PTPN4: variants seen among roughly 807,000 people sequenced by gnomAD.
The protein encoded by PTPN4 is protein tyrosine phosphatase non-receptor type 4, also known as tyrosine-protein phosphatase non-receptor type 4.
PTPN4 carries 49 observed loss-of-function variants against 135.5 expected under a neutral mutation model. That is an observed-to-expected ratio of 0.36 (90% CI 0.29 to 0.46). The LOEUF (loss-of-function observed/expected upper bound fraction) is 0.46, where lower values mean the gene tolerates loss of function less well. PTPN4 is among the 20% of genes least tolerant of loss of function. The probability of loss-of-function intolerance (pLI) is 1.00; values close to 1 mark genes in which losing one functional copy is unlikely to be tolerated. For missense variants in PTPN4, 860 were observed against 1,101.0 expected, an observed-to-expected ratio of 0.78 and a Z score of 3.10; for synonymous variants, 333 against 369.9, an observed-to-expected ratio of 0.90 and a Z score of 1.14.
chr2:119,769,597 A>G (rs1469772317), intron 1 of PTPN4, among the ~76,000 whole-genome samples: 2 of 152,242 alleles, frequency 1.3e-5, no homozygotes, highest in Admixed American at 1.3e-4. Flanking sequence ...ATGAATATAG[A>G]TGAGACAGCT....
In PTPN4 at chr2:119,863,950, A is replaced by G. The variant is rs188932002; in HGVS notation, c.246+1307A>G. Among the ~76,000 whole-genome samples the G allele has an allele frequency of 3.3e-5, 5 of 152,280 alleles. No homozygotes were observed. The East Asian group carries it at 9.6e-4, about 29-fold the overall frequency. On this transcript the variant is annotated intron_variant, in intron 3 of 26. Transcript: ENST00000263708. Reference sequence around the variant, plus strand: ...CAGCCTTTCCCAGGTTGAACCTAAAATAATCAAAAGGGTCAGAATGTAGTT... The same window carrying G: ...CAGCCTTTCCCAGGTTGAACCTAAAGTAATCAAAAGGGTCAGAATGTAGTT...
At chr2:119,830,758 G>A (rs938396972) in intron 2 of PTPN4, among the ~76,000 whole-genome samples, 2 of 152,062 alleles carry the variant, frequency 1.3e-5, no homozygotes, top group Non-Finnish European at 1.5e-5. Context: ...CACCGTGCCT[G>A]GCTCACCCTC....
chr2:119,851,404 A>T (rs183052719), intron 2 of PTPN4, among the ~76,000 whole-genome samples: 1 of 152,336 alleles, frequency 6.6e-6, no homozygotes, highest in Admixed American at 6.5e-5. Flanking sequence ...CACTTGGAAG[A>T]GACCCAAGTG....
intron 1 of PTPN4, among the ~76,000 whole-genome samples, chr2:119,767,911 G>T (rs960915702): frequency 6.6e-6 from 1 of 152,108 alleles, no homozygotes; most frequent in African/African-American, 2.4e-5. Context: ...TTTTGTAATT[G>T]GGAATTCTTA....
chr2:119,917,461 C>T (rs1003331554), intron 11 of PTPN4, among the ~76,000 whole-genome samples: 4 of 152,060 alleles, frequency 2.6e-5, no homozygotes, highest in East Asian at 1.9e-4. Context: ...AGGCCAGGTG[C>T]GGTGGCTCAC....
chr2:119,968,315 A>G (rs754737680), intron 26 of PTPN4, among the ~76,000 whole-genome samples: 1 of 152,330 alleles, frequency 6.6e-6, no homozygotes, highest in East Asian at 1.9e-4. Context: ...TTTTGCTAAC[A>G]TGCAAGTTGC....
At chr2:119,945,940 A>G (rs1350774426) in intron 16 of PTPN4, among the ~76,000 whole-genome samples, 1 of 152,190 alleles carries the variant, frequency 6.6e-6, no homozygotes, top group Non-Finnish European at 1.5e-5. Context: ...ATCTCAATAA[A>G]GCTGTTTTTT....
chr2:119,808,110 G>A (rs1691513525), intron 1 of PTPN4, among the ~76,000 whole-genome samples: 1 of 152,134 alleles, frequency 6.6e-6, no homozygotes, highest in Non-Finnish European at 1.5e-5. Flanking sequence ...CAAACCCACA[G>A]CCAATATCAT....
At chr2:119,970,385 C>T (rs1679513968) in intron 26 of PTPN4, among the ~76,000 whole-genome samples, 1 of 151,948 alleles carries the variant, frequency 6.6e-6, no homozygotes. Flanking sequence ...CATCTTCATT[C>T]CCTGCCACCA....
intron 2 of PTPN4, among the ~76,000 whole-genome samples, chr2:119,851,511 G>A (rs969114375): frequency 1.3e-5 from 2 of 152,120 alleles, no homozygotes; most frequent in East Asian, 1.9e-4. Context: ...CTTTCCTTAC[G>A]GTGGGCTGTC....
chr2:119,920,301 A>G (rs1043257898), intron 12 of PTPN4, 60 bp downstream of exon 12: 17 of 1,490,740 alleles, frequency 1.1e-5, no homozygotes, highest in Middle Eastern at 1.8e-4. Context: ...TCTTTAAAAT[A>G]AAGATGTAGT....
chr2:119,803,325 T>C (rs1691407727), intron 1 of PTPN4, among the ~76,000 whole-genome samples: 1 of 152,182 alleles, frequency 6.6e-6, no homozygotes, highest in Admixed American at 6.5e-5. Context: ...GCTGTAGATT[T>C]CTGTCAGCAC....
At chr2:119,796,070 G>A (rs1232527495) in intron 1 of PTPN4, among the ~76,000 whole-genome samples, 2 of 152,212 alleles carry the variant, frequency 1.3e-5, no homozygotes, top group Non-Finnish European at 2.9e-5. Context: ...GCCTGGAAAT[G>A]GGTCCTACCC....
chr2:119,814,550 A>G (rs191120756), intron 2 of PTPN4, among the ~76,000 whole-genome samples: 1 of 152,284 alleles, frequency 6.6e-6, no homozygotes, highest in African/African-American at 2.4e-5. Context: ...GGGTAAATGA[A>G]CTTGCTCCTA....
chr2:119,866,246 A>G (rs1434270526), intron 3 of PTPN4, among the ~76,000 whole-genome samples: 2 of 152,024 alleles, frequency 1.3e-5, no homozygotes, highest in Admixed American at 6.6e-5. Context: ...CTGTGCATTT[A>G]CTGTTTCTTT....
intron 10 of PTPN4, among the ~76,000 whole-genome samples, chr2:119,912,118 G>C (rs1678579561): frequency 6.6e-6 from 1 of 152,044 alleles, no homozygotes; most frequent in Admixed American, 6.6e-5. Context: ...AAAAGATTTA[G>C]TGAAAAACAC....
chr2:119,856,922 A>T (rs1349724383), intron 2 of PTPN4, among the ~76,000 whole-genome samples: 1 of 152,190 alleles, frequency 6.6e-6, no homozygotes, highest in Non-Finnish European at 1.5e-5. Flanking sequence ...CATCAAAAAG[A>T]AATTCTAATA....
rs1034446268 is a variant in PTPN4, at chr2:119,806,946, A to G, written c.-17-2891A>G. On this transcript the variant is annotated intron_variant, in intron 1 of 26. Coordinates refer to ENST00000263708, the MANE Select transcript of PTPN4 (RefSeq NM_002830.4). ...AACTCACACAAAACCACACAACTAC[A>G]TGGAAACTGAACAACCTGCTTCTGA... is the stretch of plus-strand genomic sequence containing the variant. Among the ~76,000 whole-genome samples the G allele has an allele frequency of 5.9e-5, 9 of 152,350 alleles. No homozygotes were observed. In the East Asian group the frequency reaches 1.5e-3, roughly 26 times the overall value.
chr2:119,795,551 G>A (rs533238856), intron 1 of PTPN4, among the ~76,000 whole-genome samples: 88 of 152,352 alleles, frequency 5.8e-4, no homozygotes, highest in Non-Finnish European at 6.3e-4. Flanking sequence ...CAGCACCCGG[G>A]CTTGGCCTCA....
Sources: gnomAD v4.1 joint callset for allele counts (sites outside exome capture counted in the v4.1 genomes callset) on GRCh38, gnomAD v4.1.1 for gene constraint, MANE v1.5 for transcripts, NCBI Gene and HGNC (gene_info 2026-07-23, HGNC 2026-07-21) for gene names.